SPATA17: variants seen among roughly 807,000 people sequenced by gnomAD.
SPATA17 encodes spermatogenesis-associated protein 17.
Under a neutral mutation model 62.2 loss-of-function variants are expected in SPATA17, and 53 were observed. The observed-to-expected ratio is 0.85, with a 90% confidence interval of 0.68 to 1.07. The LOEUF (loss-of-function observed/expected upper bound fraction) is 1.07, where lower values mean the gene tolerates loss of function less well. SPATA17 is among the 50% of genes least tolerant of loss of function. The pLI is 0.00. For missense variants in SPATA17, 466 were observed against 425.5 expected, an observed-to-expected ratio of 1.10 and a Z score of -0.84; for synonymous variants, 146 against 146.8, an observed-to-expected ratio of 0.99 and a Z score of 0.04.
intron 1 of SPATA17, among the ~76,000 whole-genome samples, chr1:217,646,446 A>C (rs1279976087): frequency 6.6e-6 from 1 of 152,142 alleles, no homozygotes; most frequent in South Asian, 2.1e-4. Context: ...TTTTAGGGAG[A>C]TTGGTGCTAC....
chr1:217,782,382 T>A, intron 8 of SPATA17, 60 bp downstream of exon 8: 1 of 1,492,542 alleles, frequency 6.7e-7, no homozygotes, highest in African/African-American at 1.4e-5. Context: ...ATTTTCTAAT[T>A]TTTTTATTTT....
intron 3 of SPATA17, among the ~76,000 whole-genome samples, chr1:217,664,849 C>T (rs764997346): frequency 2.6e-5 from 4 of 151,866 alleles, no homozygotes; most frequent in Non-Finnish European, 4.4e-5. Flanking sequence ...GTTGGTAGCA[C>T]TCGTAGTAGG....
chr1:217,698,553 G>A (rs1671514642), intron 5 of SPATA17, among the ~76,000 whole-genome samples: 2 of 147,552 alleles, frequency 1.4e-5, no homozygotes, highest in African/African-American at 2.5e-5. Flanking sequence ...TTGCCTTTGA[G>A]ACAATTGTAA....
chr1:217,757,800 C>A (rs780489744), intron 6 of SPATA17, among the ~76,000 whole-genome samples: 3 of 152,078 alleles, frequency 2.0e-5, no homozygotes, highest in Non-Finnish European at 4.4e-5. Context: ...AAGATCATTA[C>A]GTTGTAGGCT....
At chr1:217,675,316 T>C (rs1670922411) in intron 4 of SPATA17, among the ~76,000 whole-genome samples, 1 of 152,226 alleles carries the variant, frequency 6.6e-6, no homozygotes, top group African/African-American at 2.4e-5. Flanking sequence ...TCCTAAAACA[T>C]AGTTGTTTCT....
intron 5 of SPATA17, among the ~76,000 whole-genome samples, chr1:217,699,606 A>C (rs969503488): frequency 2.0e-5 from 3 of 152,088 alleles, no homozygotes; most frequent in African/African-American, 7.2e-5. Context: ...CTGGATACAT[A>C]TTTTTGTCAA....
intron 6 of SPATA17, among the ~76,000 whole-genome samples, chr1:217,772,500 A>G (rs1050388455): frequency 2.6e-5 from 4 of 152,212 alleles, no homozygotes; most frequent in African/African-American, 9.6e-5. Flanking sequence ...GGTCTTTGAC[A>G]ATGTGTTTTA....
At chr1:217,693,462 T>C (rs1429999897) in intron 5 of SPATA17, among the ~76,000 whole-genome samples, 1 of 138,860 alleles carries the variant, frequency 7.2e-6, no homozygotes, top group Admixed American at 7.4e-5. Context: ...TCATTGATTT[T>C]TTGAAGGGTT....
chr1:217,836,611 C>T (rs1201424460), intron 9 of SPATA17, among the ~76,000 whole-genome samples: 1 of 152,116 alleles, frequency 6.6e-6, no homozygotes, highest in East Asian at 1.9e-4. Flanking sequence ...TATTTTCATG[C>T]CACATGATTT....
At position 217,741,969 on chromosome 1, in the gene SPATA17, A is replaced by G. The variant is rs987792877; in HGVS notation, c.396-6A>G. The stretch of plus-strand genomic sequence containing the variant: ...TCATAAATAACTGCAGATGGTTTTG[A>G]TGCAGGAAGGCACTGGAGGAGTTTG... On this transcript the variant is annotated splice_polypyrimidine_tract_variant and splice_region_variant and intron_variant, in intron 5 of 10. Coordinates refer to ENST00000366933, the MANE Select transcript of SPATA17 (RefSeq NM_138796.4). The G allele has an allele frequency of 6.2e-7, 1 of 1,613,778 alleles. No individual in the cohort carries two copies. Among genetic ancestry groups the G allele is most frequent in the Non-Finnish European group, 8.5e-7 (1 of 1,179,896 alleles).
chr1:217,791,083 ATTTAT>A (rs1490259430), intron 8 of SPATA17, among the ~76,000 whole-genome samples: 2 of 152,206 alleles, frequency 1.3e-5, no homozygotes, highest in East Asian at 1.9e-4. Flanking sequence ...TAACTCTTCC[ATTTAT>A]TTTAATTACT....
chr1:217,646,922 A>T (rs1030049671), intron 1 of SPATA17, among the ~76,000 whole-genome samples: 5 of 151,958 alleles, frequency 3.3e-5, no homozygotes, highest in African/African-American at 7.3e-5. Context: ...CAACAAACAA[A>T]CAAAAAAACC....
intron 9 of SPATA17, among the ~76,000 whole-genome samples, chr1:217,805,070 T>C (rs1674399556): frequency 6.6e-6 from 1 of 152,316 alleles, no homozygotes; most frequent in Non-Finnish European, 1.5e-5. Flanking sequence ...ATTGAAGAGA[T>C]ATCTGCAGCC....
At chr1:217,859,331 A>G (rs1675851746) in intron 9 of SPATA17, among the ~76,000 whole-genome samples, 1 of 149,260 alleles carries the variant, frequency 6.7e-6, no homozygotes. Flanking sequence ...TCTTCTCTAT[A>G]TATGTAATTT....
At chr1:217,768,495 CT>C (rs1183998775) in intron 6 of SPATA17, among the ~76,000 whole-genome samples, 2,858 of 142,124 alleles carry the variant, frequency 0.02, 76 homozygotes, top group African/African-American at 0.062. Context: ...CTCTACCCAT[CT>C]TTTTTTTTTT....
At chr1:217,734,412 A>G (rs968059757) in intron 5 of SPATA17, among the ~76,000 whole-genome samples, 1 of 152,184 alleles carries the variant, frequency 6.6e-6, no homozygotes. Flanking sequence ...TATGTTGCTC[A>G]GGCTTGTCTT....
chr1:217,665,559 G>C (rs1185299014), intron 3 of SPATA17: 1 of 152,120 alleles, frequency 6.6e-6, no homozygotes, highest in Non-Finnish European at 1.5e-5. Flanking sequence ...AAAGAATCAA[G>C]TCCTCAATAT....
intron 5 of SPATA17, among the ~76,000 whole-genome samples, chr1:217,701,749 C>A (rs186295135): frequency 2.0e-4 from 30 of 152,158 alleles, no homozygotes; most frequent in Admixed American, 5.2e-4. Context: ...TTTATTGGTG[C>A]TCGCATTATC....
chr1:217,644,561 C>T (rs938174702), intron 1 of SPATA17, among the ~76,000 whole-genome samples: 2 of 151,924 alleles, frequency 1.3e-5, no homozygotes, highest in Non-Finnish European at 2.9e-5. Context: ...ATACATGGGT[C>T]AGACTAAGCA....
Sources: gnomAD v4.1 joint callset for allele counts (sites outside exome capture counted in the v4.1 genomes callset) on GRCh38, gnomAD v4.1.1 for gene constraint, MANE v1.5 for transcripts, NCBI Gene and HGNC (gene_info 2026-07-23, HGNC 2026-07-21) for gene names.